Variants in OTX1 observed in about 807,000 individuals in gnomAD.
OTX1 encodes the protein orthodenticle homeobox 1, also known as homeobox protein OTX1.
OTX1 carries 7 observed loss-of-function variants against 26.7 expected under a neutral mutation model. That is an observed-to-expected ratio of 0.26 (90% confidence interval 0.15 to 0.49). The LOEUF (loss-of-function observed/expected upper bound fraction) is 0.49, where lower values mean the gene tolerates loss of function less well. Among genes scored for constraint, OTX1 ranks in the 20% least tolerant of loss-of-function variants. The pLI, the probability that OTX1 is intolerant of heterozygous loss-of-function variation, is 0.98. For missense variants in OTX1, 414 were observed against 483.8 expected (o/e 0.86, Z 1.35); for synonymous variants, 216 against 212.8 (o/e 1.01, Z -0.13).
chr2:63,050,541 C>T (rs1161903176), upstream of OTX1, among the ~76,000 whole-genome samples: 1 of 152,162 alleles, frequency 6.6e-6, no homozygotes, highest in African/African-American at 2.4e-5. Context: ...GACCCACGGC[C>T]CCCTCCGCGG....
chr2:63,053,803 C>T, intron 3 of OTX1: 1 of 523,336 alleles, frequency 1.9e-6, no homozygotes, highest in African/African-American at 2.0e-5. Flanking sequence ...ACTTTTTTAA[C>T]CTCTGAGAGG....
intron 4 of OTX1, among the ~76,000 whole-genome samples, chr2:63,054,898 A>C (rs2062052453): frequency 6.6e-6 from 1 of 152,168 alleles, no homozygotes; most frequent in South Asian, 2.1e-4. Flanking sequence ...ACCTGGAGCC[A>C]AAGGGCCAAC....
Position 63,054,133 on chromosome 2 carries a change from T to C in OTX1, c.184T>C (p.Tyr62His). The C allele has an allele frequency of 2.5e-6, 4 of 1,612,368 alleles. No individual in the cohort carries two copies. Among genetic ancestry groups the C allele is most frequent in the Non-Finnish European group, 3.4e-6 (4 of 1,179,200 alleles). Residue 62 changes from tyrosine (Y) to histidine (H), a missense_variant, in exon 4 of 5, where the codon TAC becomes CAC. Tyr to His is a moderately conservative substitution (Grantham distance 83, BLOSUM62 2). Transcript: ENST00000282549. ...CGAGGCGCTCTTCGCCAAGACTCGC[T>C]ACCCTGACATCTTCATGCGGGAGGA... The part of the protein sequence containing the change: ...VLEALFAKTR[Y>H]PDIFMREEVA...
At chr2:63,053,837 T>A (rs2062044838) in intron 3 of OTX1, 2 of 585,264 alleles carry the variant, frequency 3.4e-6, no homozygotes, top group Non-Finnish European at 6.1e-6. Flanking sequence ...AGCCCTCGAA[T>A]CTTGGAGACA....
chr2:63,054,248 C>T lies in OTX1; in HGVS notation c.249+50C>T, dbSNP rs2062047926. ...TCTGGGTAGGGGAGCTGAGGCTGCT[C>T]GGGGAAGGTCTAGGAAGGCTCTTGA... On this transcript the variant is annotated intron_variant, in intron 4 of 4. Transcript: ENST00000282549. 7 of 1,517,650 alleles carry T rather than the reference C, an allele frequency of 4.6e-6. No homozygotes were observed. In the African/African-American group the frequency reaches 5.6e-5, roughly 12 times the overall value. 94.0% of individuals were successfully genotyped at this position (1,517,650 alleles called of 1,614,324 possible).
At chr2:63,053,537 C>G (rs1392714502) in intron 3 of OTX1, 2 of 176,440 alleles carry the variant, frequency 1.1e-5, no homozygotes, top group Non-Finnish European at 2.3e-5. Context: ...TTAAATTGTC[C>G]TCTAAATCGA....
chr2:63,056,663 A>G lies in OTX1; in HGVS notation c.*347A>G, dbSNP rs2062070334. ...GCTATTAAGCACTTGCAGCCTTCGG[A>G]GGCTCTGCGCTCTGATCCGCTGTTT... On this transcript the variant is annotated 3_prime_UTR_variant, in exon 5 of 5. Coordinates refer to ENST00000282549, the MANE Select transcript of OTX1 (RefSeq NM_014562.4). The G allele has an allele frequency of 3.1e-6, 1 of 319,908 alleles. No individual in the cohort carries two copies. Among genetic ancestry groups the G allele is most frequent in the South Asian group, 5.3e-5 (1 of 18,844 alleles). The allele number at this position is 319,908 out of a possible 1,614,324, so 19.8% of individuals were successfully genotyped here.
Position 63,055,754 on chromosome 2 carries a change from T to C in OTX1, c.503T>C (p.Leu168Pro). ...GGNPVAAASSLSTPAASSIWS... is the reference protein window; with the variant it reads ...GGNPVAAASSPSTPAASSIWS... Reference sequence around the variant, plus strand: ...AACCCGGTGGCGGCCGCGTCGTCGCTGAGTACACCAGCTGCCTCATCTATC... The same window carrying C: ...AACCCGGTGGCGGCCGCGTCGTCGCCGAGTACACCAGCTGCCTCATCTATC... The change falls in exon 5 of 5, where the codon CTG (leucine) becomes CCG (proline). Residue 168 changes from leucine (L) to proline (P), a missense_variant. Transcript: ENST00000282549. The surrounding 1 kb of genome is among the most constrained non-coding windows in gnomAD (Gnocchi z 5.2). The C allele has an allele frequency of 6.2e-7, 1 of 1,612,468 alleles. No individual in the cohort carries two copies. Among genetic ancestry groups the C allele is most frequent in the Non-Finnish European group, 8.5e-7 (1 of 1,179,652 alleles).
In OTX1 at chr2:63,055,212, G is replaced by A. The variant is rs2062054432; in HGVS notation, c.250-289G>A. 6.6e-6 allele frequency among the ~76,000 whole-genome samples: 1 copy of A among 152,230 alleles called. No homozygotes were observed. The highest frequency in any genetic ancestry group is 1.5e-5 in the Non-Finnish European group (1 of 68,036). The stretch of plus-strand genomic sequence containing the variant: ...AGATGGCAGAACTTCTGACTGGGCA[G>A]ACTGAAATATTCCGCCCTAGGGCAG... On this transcript the variant is annotated intron_variant, in intron 4 of 4. Transcript: ENST00000282549. This position sits in a 1 kb window ranked among gnomAD's most constrained non-coding sequence, Gnocchi z 5.2.
chr2:63,052,863 G>A lies in OTX1; in HGVS notation c.-111-17G>A. 1 of 628,788 alleles carries A rather than the reference G, an allele frequency of 1.6e-6. No individual in the cohort carries two copies. The highest frequency in any genetic ancestry group is 2.8e-6 in the Non-Finnish European group (1 of 360,910). The allele number at this position is 628,788 out of a possible 1,614,324, so 39.0% of individuals were successfully genotyped here. A position where few individuals can be genotyped will look rare whatever the true frequency, so the allele number is the denominator to read the frequency against. ...TGGCTCCGATTGACGGTTTCCGTGT[G>A]TCTCGTGTCTTCATAGGCCAGGCCC... On this transcript the variant is annotated splice_polypyrimidine_tract_variant and intron_variant, in intron 2 of 4. Transcript: ENST00000282549.
At position 63,055,419 on chromosome 2, in the gene OTX1, G is replaced by A. The variant is rs2062056226; in HGVS notation, c.250-82G>A. 4 of 1,426,572 alleles carry A rather than the reference G, an allele frequency of 2.8e-6. No homozygotes were observed. In the African/African-American group the frequency reaches 4.3e-5, roughly 15 times the overall value. The allele number at this position is 1,426,572 out of a possible 1,614,324, so 88.4% of individuals were successfully genotyped here. ...AGAAAGGATTGCGATATTCTGGACC[G>A]GGAGTTGGGTCCGCGGGGCGGTGGA... On this transcript the variant is annotated intron_variant, in intron 4 of 4. Transcript: ENST00000282549. This position sits in a 1 kb window ranked among gnomAD's most constrained non-coding sequence, Gnocchi z 5.2.
rs548205715 is a variant in OTX1, at chr2:63,052,386, C to T, written c.-111-494C>T. ...GCAGCCCTGGAGACCTTTAAAGGAA[C>T]CAAGTGTCTAAGTGGACAAGAAGTG... On this transcript the variant is annotated intron_variant, in intron 2 of 4. Transcript: ENST00000282549. Among the ~76,000 whole-genome samples the T allele has an allele frequency of 1.7e-4, 26 of 152,286 alleles. 1 individual carries two copies. Among genetic ancestry groups the T allele is most frequent in the Non-Finnish European group, 2.9e-4 (20 of 68,054 alleles).
Position 63,057,083 on chromosome 2 carries a change from A to T in OTX1, c.*767A>T, listed in dbSNP as rs997206887. The T allele has an allele frequency of 6.6e-6, 1 of 152,150 alleles. No homozygotes were observed. The highest frequency in any genetic ancestry group is 1.5e-5 in the Non-Finnish European group (1 of 68,066). The allele number at this position is 152,150 out of a possible 1,614,324, so 9.4% of individuals were successfully genotyped here. On this transcript the variant is annotated 3_prime_UTR_variant, in exon 5 of 5. Coordinates refer to ENST00000282549, the MANE Select transcript of OTX1 (RefSeq NM_014562.4). ...TTGCTGTTGGTTGGTTGAACTGAAC[A>T]TATCTTGTCTTAGCACCCAGGAAAC...
intron 3 of OTX1, 191 bp downstream of exon 3, chr2:63,053,278 C>A (rs921872897): frequency 4.3e-6 from 2 of 463,872 alleles, no homozygotes; most frequent in African/African-American, 4.1e-5. Context: ...GTGAGGTGGC[C>A]AGGGCTGAGA....
At chr2:63,050,514 C>T (rs2062017589), upstream of OTX1, among the ~76,000 whole-genome samples, 1 of 152,170 alleles carries the variant, frequency 6.6e-6, no homozygotes, top group Non-Finnish European at 1.5e-5. Context: ...GGCGGGGGCG[C>T]CCAGGGCAGG....
At position 63,055,137 on chromosome 2, in the gene OTX1, C is replaced by T. The variant is rs1166829027; in HGVS notation, c.250-364C>T. The stretch of plus-strand genomic sequence containing the variant: ...TAGTAGAAAACTGGGCCTCCAAACA[C>T]ACACGGGGCCTCCAAACATACACGG... On this transcript the variant is annotated intron_variant, in intron 4 of 4. Transcript: ENST00000282549. The surrounding 1 kb of genome is among the most constrained non-coding windows in gnomAD (Gnocchi z 5.2). Among the ~76,000 whole-genome samples, 1 of 152,234 alleles carries T rather than the reference C, an allele frequency of 6.6e-6. No individual in the cohort carries two copies. The highest frequency in any genetic ancestry group is 1.5e-5 in the Non-Finnish European group (1 of 68,046).
intron 3 of OTX1, among the ~76,000 whole-genome samples, chr2:63,053,747 C>CA (rs1163989866): frequency 2.6e-5 from 4 of 151,942 alleles, no homozygotes; most frequent in Non-Finnish European, 5.9e-5. Context: ...TGTGTGTGTG[C>CA]AGGGGAGAGG....
upstream of OTX1, among the ~76,000 whole-genome samples, chr2:63,049,838 G>T (rs923079857): frequency 6.6e-6 from 1 of 152,200 alleles, no homozygotes; most frequent in Non-Finnish European, 1.5e-5. This position sits in a 1 kb window ranked among gnomAD's most constrained non-coding sequence, Gnocchi z 4.8. Context: ...TTTCGGGTGG[G>T]AAATGGGCTT....
chr2:63,054,138 T>A lies in OTX1; in HGVS notation c.189T>A (p.Pro63=), dbSNP rs1458316189. Residue 63 remains proline, a synonymous_variant, in exon 4 of 5, where the codon CCT becomes CCA. Transcript: ENST00000282549. ...LEALFAKTRY[P]DIFMREEVAL... Reference sequence around the variant, plus strand: ...CGCTCTTCGCCAAGACTCGCTACCCTGACATCTTCATGCGGGAGGAGGTGG... The same window carrying A: ...CGCTCTTCGCCAAGACTCGCTACCCAGACATCTTCATGCGGGAGGAGGTGG... 1 of 1,612,370 alleles carries A rather than the reference T, an allele frequency of 6.2e-7. No homozygotes were observed.
Sources: gnomAD v4.1 joint callset for allele counts (sites outside exome capture counted in the v4.1 genomes callset) on GRCh38, gnomAD v4.1.1 for gene constraint, Gnocchi (gnomAD v3.1) non-coding constraint, MANE v1.5 for transcripts, NCBI Gene and HGNC (gene_info 2026-07-23, HGNC 2026-07-21) for gene names.